CACNA2D2: variants seen among roughly 807,000 people sequenced by gnomAD.
CACNA2D2 encodes the protein calcium voltage-gated channel auxiliary subunit alpha2delta 2.
In CACNA2D2, 48 loss-of-function variants were observed where a neutral mutation model predicts 166.4. That is an observed-to-expected ratio of 0.29 (90% CI 0.23 to 0.37). The LOEUF is 0.37. Among genes scored for constraint, CACNA2D2 ranks in the 10% least tolerant of loss-of-function variants. The probability of loss-of-function intolerance (pLI) is 1.00; values close to 1 mark genes in which losing one functional copy is unlikely to be tolerated. For synonymous variants in CACNA2D2, 561 were observed against 573.7 expected (o/e 0.98, Z 0.32); for missense variants, 1,122 against 1,433.0 (o/e 0.78, Z 3.50).
chr3:50,365,147 G>T lies in CACNA2D2; in HGVS notation c.3136C>A (p.Leu1046Ile). The T allele has an allele frequency of 1.2e-6, 2 of 1,612,188 alleles. No individual in the cohort carries two copies. Among genetic ancestry groups the T allele is most frequent in the Non-Finnish European group, 1.7e-6 (2 of 1,179,732 alleles). ...HAQRLTNTNL[L>I]FVVAEKPLCS... ...AGCGGCTTCTCGGCCACCACAAAGA[G>T]AAGATTGGTGTTGGTCAGTCTCTGC... Residue 1046 changes from leucine (L) to isoleucine (I), a missense_variant, in exon 36 of 38, where the codon CTC becomes ATC. Physicochemically the swap from Leu to Ile is conservative, Grantham distance 5 (BLOSUM62 2). Coordinates refer to ENST00000424201, the MANE Select transcript of CACNA2D2 (RefSeq NM_006030.4). The surrounding 1 kb of genome is among the most constrained non-coding windows in gnomAD (Gnocchi z 4.5).
intron 2 of CACNA2D2, among the ~76,000 whole-genome samples, chr3:50,459,290 C>T (rs189184336): frequency 3.9e-4 from 60 of 152,232 alleles, no homozygotes; most frequent in African/African-American, 1.4e-3. Flanking sequence ...GCCTGGGCCA[C>T]GGGGAGTGGA....
intron 2 of CACNA2D2, among the ~76,000 whole-genome samples, chr3:50,453,355 C>A (rs182759371): frequency 2.6e-5 from 4 of 152,228 alleles, no homozygotes; most frequent in Non-Finnish European, 5.9e-5. Context: ...TTGGTCCCTG[C>A]GCATCCAAAT....
intron 3 of CACNA2D2, among the ~76,000 whole-genome samples, chr3:50,399,078 G>A (rs1230108139): frequency 6.6e-6 from 1 of 152,190 alleles, no homozygotes; most frequent in Non-Finnish European, 1.5e-5. Flanking sequence ...AAGGCCCCCT[G>A]CATGCCAGGA....
chr3:50,374,913 A>T, intron 21 of CACNA2D2, 100 bp from the exon 22 acceptor site: 1 of 947,840 alleles, frequency 1.1e-6, no homozygotes. Flanking sequence ...CAGCTGCAGC[A>T]TCCCCTCCTC....
intron 3 of CACNA2D2, among the ~76,000 whole-genome samples, chr3:50,396,479 T>G (rs1388976411): frequency 1.3e-5 from 2 of 152,158 alleles, no homozygotes; most frequent in East Asian, 3.9e-4. Context: ...CTGACTCCTC[T>G]TCTTCCTTTT....
chr3:50,365,682 C>T lies in CACNA2D2; in HGVS notation c.2922G>A (p.Leu974=), dbSNP rs964599004. 1.3e-6 allele frequency: 2 copies of T among 1,587,544 alleles called. No homozygotes were observed. Among genetic ancestry groups the T allele is most frequent in the Admixed American group, 1.8e-5 (1 of 54,766 alleles). The change falls in exon 34 of 38, where the codon CTG becomes CTA. Residue 974 remains leucine, a synonymous_variant. Transcript: ENST00000424201. The surrounding 1 kb of genome is among the most constrained non-coding windows in gnomAD (Gnocchi z 4.5). ...TGAGGCCGTAGAGAAGCTGCTGGAA[C>T]AGGGACCTGCAGCGCACGGGGAGCC... ...AWWTSAAAWS[L]FQQLLYGLIY...
At chr3:50,497,951 G>A (rs1213404220) in intron 1 of CACNA2D2, among the ~76,000 whole-genome samples, 1 of 152,184 alleles carries the variant, frequency 6.6e-6, no homozygotes, top group Non-Finnish European at 1.5e-5. Context: ...AACCTGACAT[G>A]AAGAGAATCT....
At chr3:50,385,195 G>T (rs1705528924) in intron 5 of CACNA2D2, among the ~76,000 whole-genome samples, 1 of 152,206 alleles carries the variant, frequency 6.6e-6, no homozygotes, top group South Asian at 2.1e-4. Context: ...GGGGAGGGGA[G>T]GGAAGATGGT....
intron 1 of CACNA2D2, among the ~76,000 whole-genome samples, chr3:50,497,307 A>G (rs1434464801): frequency 1.3e-5 from 2 of 152,234 alleles, no homozygotes; most frequent in African/African-American, 4.8e-5. Context: ...GTCCAAGGTC[A>G]CCAAGCAAGC....
intron 2 of CACNA2D2, among the ~76,000 whole-genome samples, chr3:50,450,676 A>C (rs914281199): frequency 3.9e-5 from 6 of 152,176 alleles, no homozygotes; most frequent in African/African-American, 7.2e-5. Context: ...TACAGAGTGA[A>C]AGAGGCTGTT....
Position 50,374,808 on chromosome 3 carries a change from C to A in CACNA2D2, c.1913G>T (p.Gly638Val), listed in dbSNP as rs1704885246. The change falls in exon 22 of 38, where the codon GGG (glycine) becomes GTG (valine). Residue 638 changes from glycine (G) to valine (V), a missense_variant. This residue lies in a region of CACNA2D2 where 840 missense variants were observed against 1,166.8 expected (regional missense o/e 0.72). Coordinates refer to ENST00000424201, the MANE Select transcript of CACNA2D2 (RefSeq NM_006030.4). ...GGTGCTGTAGGGTGGGAGCACCAGC[C>A]CCAGGCTGAGGGGGGAGAAGCTCGG... ...VPIRSTNYSL[G>V]LVLPPYSTFY... The A allele has an allele frequency of 5.7e-6, 9 of 1,590,152 alleles. No individual in the cohort carries two copies. Among genetic ancestry groups the A allele is most frequent in the Non-Finnish European group, 7.7e-6 (9 of 1,169,150 alleles).
chr3:50,503,891 C>T (rs1427247884), upstream of CACNA2D2, among the ~76,000 whole-genome samples: 1 of 152,152 alleles, frequency 6.6e-6, no homozygotes, highest in African/African-American at 2.4e-5. Flanking sequence ...ACCTCAGACC[C>T]TGCCGCTCCT....
Position 50,378,026 on chromosome 3 carries a change from G to T in CACNA2D2, c.1461C>A (p.Asn487Lys). Residue 487 changes from asparagine to lysine, a missense_variant, in exon 15 of 38, where the codon AAC (asparagine) becomes AAA (lysine). Coordinates refer to ENST00000424201, the MANE Select transcript of CACNA2D2 (RefSeq NM_006030.4). Reference sequence around the variant, plus strand: ...GCCTTACCAGTGCATCCTCATACACGTTGGTCCACTGCACCTGCTTGGCCT... The same window carrying T: ...GCCTTACCAGTGCATCCTCATACACTTTGGTCCACTGCACCTGCTTGGCCT... Reference protein sequence around the residue: ...GKEAKQVQWTNVYEDALGLGL... With the variant: ...GKEAKQVQWTKVYEDALGLGL... 1 of 1,613,720 alleles carries T rather than the reference G, an allele frequency of 6.2e-7. No individual in the cohort carries two copies. The highest frequency in any genetic ancestry group is 8.5e-7 in the Non-Finnish European group (1 of 1,179,996).
intron 2 of CACNA2D2, among the ~76,000 whole-genome samples, chr3:50,461,764 GA>G (rs926187821): frequency 1.9e-5 from 2 of 103,746 alleles, no homozygotes; most frequent in African/African-American, 3.2e-5. Flanking sequence ...AAAAAAAAAA[GA>G]AAAAAAGAAA....
chr3:50,434,190 T>C, intron 3 of CACNA2D2, 123 bp downstream of exon 3: 1 of 705,510 alleles, frequency 1.4e-6, no homozygotes, highest in South Asian at 1.7e-5. Flanking sequence ...CCTGCTGATG[T>C]TGGCCCAGCT....
chr3:50,390,201 T>C (rs1432124057), intron 4 of CACNA2D2, among the ~76,000 whole-genome samples: 1 of 152,194 alleles, frequency 6.6e-6, no homozygotes, highest in Non-Finnish European at 1.5e-5. Context: ...TCTGGAATCC[T>C]GGGCAGTGAG....
chr3:50,439,534 G>C (rs749051828), intron 2 of CACNA2D2, among the ~76,000 whole-genome samples: 1 of 152,230 alleles, frequency 6.6e-6, no homozygotes. Flanking sequence ...GCATGACTCC[G>C]GGGAGACTGG....
At chr3:50,391,611 C>CT (rs1214709411) in intron 4 of CACNA2D2, among the ~76,000 whole-genome samples, 3 of 152,258 alleles carry the variant, frequency 2.0e-5, no homozygotes, top group African/African-American at 7.2e-5. Context: ...GCATTGCCCT[C>CT]TTGATCTCTT....
At chr3:50,420,212 G>A (rs1189018009) in intron 3 of CACNA2D2, among the ~76,000 whole-genome samples, 1 of 152,248 alleles carries the variant, frequency 6.6e-6, no homozygotes, top group Non-Finnish European at 1.5e-5. Flanking sequence ...GGAGCTGATG[G>A]GGCAGCAAGG....
Sources: allele counts gnomAD v4.1 joint callset (sites outside exome capture counted in the v4.1 genomes callset), GRCh38; gene constraint gnomAD v4.1.1; regional missense constraint gnomAD v4.1.1; non-coding constraint Gnocchi (gnomAD v3.1); transcripts MANE v1.5; gene names NCBI Gene and HGNC (gene_info 2026-07-23, HGNC 2026-07-21).